The following ST8SIA2 variants were observed in gnomAD, a reference collection of about 807,000 sequenced individuals.
ST8SIA2 encodes alpha-2,8-sialyltransferase 8B.
Under a neutral mutation model 37.6 loss-of-function variants are expected in ST8SIA2, and 22 were observed. The ratio of observed to expected loss-of-function variants is 0.58; its 90% CI spans 0.42 to 0.83. ST8SIA2 has a LOEUF of 0.83. ST8SIA2 is among the 40% of genes least tolerant of loss of function. The probability of loss-of-function intolerance (pLI) is 0.00; values close to 1 mark genes in which losing one functional copy is unlikely to be tolerated. For missense variants in ST8SIA2, 382 were observed against 484.7 expected (o/e 0.79, Z 1.99); for synonymous variants, 205 against 201.2 (o/e 1.02, Z -0.16).
intron 1 of ST8SIA2, among the ~76,000 whole-genome samples, chr15:92,401,370 G>C (rs1429866208): frequency 6.6e-6 from 1 of 152,224 alleles, no homozygotes; most frequent in Non-Finnish European, 1.5e-5. Context: ...ATCTGGGCTG[G>C]TTTTAAATTC....
intron 1 of ST8SIA2, among the ~76,000 whole-genome samples, chr15:92,399,298 G>A (rs2049453782): frequency 6.6e-6 from 1 of 152,230 alleles, no homozygotes; most frequent in South Asian, 2.1e-4. Context: ...GCACCAACCT[G>A]TTAGAATGGA....
intron 1 of ST8SIA2, among the ~76,000 whole-genome samples, chr15:92,413,993 C>G (rs2049569401): frequency 6.6e-6 from 1 of 152,182 alleles, no homozygotes; most frequent in African/African-American, 2.4e-5. Flanking sequence ...CAGGCCCAGC[C>G]CAAAGTGGGA....
intron 5 of ST8SIA2, among the ~76,000 whole-genome samples, chr15:92,457,575 C>T (rs2049928410): frequency 2.0e-5 from 3 of 152,084 alleles, no homozygotes; most frequent in African/African-American, 4.8e-5. Flanking sequence ...TTTGGGAAGG[C>T]AAAATTAATT....
chr15:92,447,919 G>A (rs111789365), intron 5 of ST8SIA2, among the ~76,000 whole-genome samples: 31 of 152,230 alleles, frequency 2.0e-4, no homozygotes, highest in Admixed American at 1.6e-3. Context: ...ATTAAATATC[G>A]TTCCTTCCTA....
intron 5 of ST8SIA2, among the ~76,000 whole-genome samples, chr15:92,456,571 A>G (rs548087266): frequency 6.6e-6 from 1 of 152,340 alleles, no homozygotes; most frequent in South Asian, 2.1e-4. Flanking sequence ...TACCGGACAC[A>G]AAACCATCCA....
At chr15:92,395,185 T>C (rs558040845) in intron 1 of ST8SIA2, among the ~76,000 whole-genome samples, 1 of 152,320 alleles carries the variant, frequency 6.6e-6, no homozygotes, top group Admixed American at 6.5e-5. Flanking sequence ...GAGAGCTTCC[T>C]GGCCCTGGGC....
chr15:92,441,581 ACACACAC>A (rs1414713829), intron 4 of ST8SIA2, among the ~76,000 whole-genome samples: 5 of 20,174 alleles, frequency 2.5e-4, no homozygotes, highest in Non-Finnish European at 4.5e-4. Flanking sequence ...GTGCATGCAC[ACACACAC>A]ACACACACAC....
chr15:92,464,507 A>G lies in ST8SIA2; in HGVS notation c.*122A>G, dbSNP rs2049979402. 2 of 1,073,344 alleles carry G rather than the reference A, an allele frequency of 1.9e-6. No individual in the cohort carries two copies. Among genetic ancestry groups the G allele is most frequent in the South Asian group, 1.3e-5 (1 of 77,484 alleles). 66.5% of individuals were successfully genotyped at this position (1,073,344 alleles called of 1,614,324 possible). A position where few individuals can be genotyped will look rare whatever the true frequency, so the allele number is the denominator to read the frequency against. ...CTAGTGGTTTTCTTTGTTAAAGTGT[A>G]AAACAGTGACCAGAATATATATATC... is the stretch of plus-strand genomic sequence containing the variant. On this transcript the variant is annotated 3_prime_UTR_variant, in exon 6 of 6. Transcript: ENST00000268164.
intron 2 of ST8SIA2, among the ~76,000 whole-genome samples, chr15:92,433,767 C>A (rs2049734120): frequency 6.6e-6 from 1 of 152,164 alleles, no homozygotes; most frequent in African/African-American, 2.4e-5. Flanking sequence ...TCAGAATTAC[C>A]CTCAAGAGAG....
intron 4 of ST8SIA2, among the ~76,000 whole-genome samples, chr15:92,440,271 TAC>T (rs1381767891): frequency 1.3e-5 from 2 of 152,174 alleles, no homozygotes; most frequent in Non-Finnish European, 2.9e-5. Context: ...TCATTATGAA[TAC>T]AGTCTGTACT....
intron 5 of ST8SIA2, among the ~76,000 whole-genome samples, chr15:92,445,664 C>T (rs1440639813): frequency 1.3e-5 from 2 of 152,192 alleles, no homozygotes; most frequent in Non-Finnish European, 2.9e-5. Flanking sequence ...AATCCACTCT[C>T]TTTAAGAAGA....
chr15:92,445,131 AATTTT>A lies in ST8SIA2; in HGVS notation c.842+203_842+207del. On this transcript the variant is annotated intron_variant, in intron 5 of 5. Transcript: ENST00000268164. ...GCAAGTGGGTTTCATCTGGCATGCC[AATTTT>A]GACCAATGGGTAGTGCCTGCCTAGG... 5.7e-6 allele frequency: 4 copies of A among 707,730 alleles called. No individual in the cohort carries two copies. In the South Asian group the frequency reaches 7.1e-5, roughly 13 times the overall value. 43.8% of individuals were successfully genotyped at this position (707,730 alleles called of 1,614,324 possible). A position where few individuals can be genotyped will look rare whatever the true frequency, so the allele number is the denominator to read the frequency against.
intron 5 of ST8SIA2, among the ~76,000 whole-genome samples, chr15:92,460,157 C>T (rs906629692): frequency 2.0e-5 from 3 of 152,216 alleles, no homozygotes; most frequent in Non-Finnish European, 4.4e-5. Context: ...GACTATATTC[C>T]TGACACTTCT....
chr15:92,401,925 A>C (rs1249898237), intron 1 of ST8SIA2, among the ~76,000 whole-genome samples: 3 of 149,620 alleles, frequency 2.0e-5, no homozygotes, highest in African/African-American at 7.3e-5. Context: ...AAAAAAAAAA[A>C]GTGCAATGTA....
chr15:92,432,671 C>A (rs1171065401), intron 2 of ST8SIA2, among the ~76,000 whole-genome samples: 2 of 152,202 alleles, frequency 1.3e-5, no homozygotes, highest in African/African-American at 4.8e-5. Context: ...CTCTGCCTTA[C>A]TCAAAACTCG....
Position 92,397,855 on chromosome 15 carries a change from G to A in ST8SIA2, c.98+3693G>A, listed in dbSNP as rs970417721. ...GCAAAGTTGAAACTCAGAGCTGGCC[G>A]GGAACGGTGGCTCACGCCTGTAATC... On this transcript the variant is annotated intron_variant, in intron 1 of 5. Coordinates refer to ENST00000268164, the MANE Select transcript of ST8SIA2 (RefSeq NM_006011.4). 5.9e-5 allele frequency among the ~76,000 whole-genome samples: 9 copies of A among 152,320 alleles called. No homozygotes were observed. In the South Asian group the frequency reaches 1.2e-3, roughly 21 times the overall value.
intron 5 of ST8SIA2, among the ~76,000 whole-genome samples, chr15:92,445,337 T>A (rs952167809): frequency 2.0e-5 from 3 of 152,220 alleles, no homozygotes; most frequent in Non-Finnish European, 4.4e-5. Flanking sequence ...CCTTAATCTC[T>A]TTAAACTTTA....
intron 2 of ST8SIA2, among the ~76,000 whole-genome samples, chr15:92,433,918 T>C (rs1261784910): frequency 6.8e-6 from 1 of 146,064 alleles, no homozygotes; most frequent in Non-Finnish European, 1.5e-5. Flanking sequence ...GTAGAGTTTC[T>C]TATCAATAGC....
At chr15:92,449,886 T>C (rs916015459) in intron 5 of ST8SIA2, among the ~76,000 whole-genome samples, 4 of 152,218 alleles carry the variant, frequency 2.6e-5, no homozygotes, top group African/African-American at 9.7e-5. Context: ...TCCCTATAGA[T>C]TCTGGATATT....
Sources: gnomAD v4.1 joint callset for allele counts (sites outside exome capture counted in the v4.1 genomes callset) on GRCh38, gnomAD v4.1.1 for gene constraint, MANE v1.5 for transcripts, NCBI Gene and HGNC (gene_info 2026-07-23, HGNC 2026-07-21) for gene names.